The following SH2B2 variants were observed in gnomAD, a reference collection of about 807,000 sequenced individuals.
SH2B2 encodes the protein SH2B adapter protein 2.
Under a neutral mutation model 35.7 loss-of-function variants are expected in SH2B2, and 37 were observed. The ratio of observed to expected loss-of-function variants is 1.04; its 90% CI spans 0.80 to 1.36. The LOEUF is 1.36. SH2B2 is among the 40% of genes most tolerant of loss of function. The probability of loss-of-function intolerance (pLI) is 0.00; values close to 1 mark genes in which losing one functional copy is unlikely to be tolerated. For synonymous variants in SH2B2, 383 were observed against 376.4 expected, an observed-to-expected ratio of 1.02 and a Z score of -0.20; for missense variants, 852 against 817.7, an observed-to-expected ratio of 1.04 and a Z score of -0.51.
At chr7:102,293,640 G>C (rs1196669026) in intron 1 of SH2B2, among the ~76,000 whole-genome samples, 1 of 151,958 alleles carries the variant, frequency 6.6e-6, no homozygotes, top group Admixed American at 6.5e-5. Context: ...TGTCTCCAAC[G>C]CCAGTCCTCA....
rs1045692347 is a variant in SH2B2 at position 102,314,760 on chromosome 7, C to A, written c.1186+78C>A. ...CCCCAGCCATGGCCACCCATGGGCT[C>A]CCTAAACCTTGCTAAGCCTCAGAAG... On this transcript the variant is annotated intron_variant, in intron 6 of 8. Coordinates refer to ENST00000444095, the MANE Select transcript of SH2B2 (RefSeq NM_001359228.2). 1.2e-3 allele frequency: 498 copies of A among 398,742 alleles called. 6 individuals carry two copies. In the East Asian group the frequency reaches 0.017, roughly 14 times the overall value. 24.7% of individuals were successfully genotyped at this position (398,742 alleles called of 1,614,324 possible).
intron 1 of SH2B2, among the ~76,000 whole-genome samples, chr7:102,300,021 G>A (rs1183056782): frequency 4.6e-5 from 7 of 152,210 alleles, no homozygotes; most frequent in Non-Finnish European, 8.8e-5. Context: ...GGGTTCAAGT[G>A]ATTTTCCTGC....
At chr7:102,293,539 G>T (rs1010832274) in intron 1 of SH2B2, among the ~76,000 whole-genome samples, 1 of 151,634 alleles carries the variant, frequency 6.6e-6, no homozygotes, top group African/African-American at 2.4e-5. Flanking sequence ...AACCGGAGGT[G>T]GGGGGGTGTA....
chr7:102,315,768 G>A (rs1397685838), intron 6 of SH2B2, among the ~76,000 whole-genome samples: 82 of 65,148 alleles, frequency 1.3e-3, no homozygotes, highest in East Asian at 2.4e-3. Flanking sequence ...AAAAAGAAAA[G>A]AAAAGAAGAA....
At chr7:102,292,001 GAGCCTATGTTGTCC>G (rs1792691228) in intron 1 of SH2B2, among the ~76,000 whole-genome samples, 1 of 152,124 alleles carries the variant, frequency 6.6e-6, no homozygotes, top group South Asian at 2.1e-4. Context: ...AGGATTGAAG[GAGCCTATGTTGTCC>G]AGAGTGAGGC....
chr7:102,299,400 T>C (rs899039082), intron 1 of SH2B2, among the ~76,000 whole-genome samples: 2 of 150,682 alleles, frequency 1.3e-5, no homozygotes, highest in Non-Finnish European at 2.9e-5. Context: ...GGTTTCATCA[T>C]GTTGGCTAGG....
intron 1 of SH2B2, among the ~76,000 whole-genome samples, chr7:102,295,533 G>A (rs182224636): frequency 1.6e-4 from 25 of 152,296 alleles, no homozygotes; most frequent in African/African-American, 5.1e-4. Flanking sequence ...CACCCCTCAG[G>A]GAAGAAGCAA....
intron 1 of SH2B2, among the ~76,000 whole-genome samples, chr7:102,294,633 G>A (rs923771487): frequency 6.6e-6 from 1 of 152,120 alleles, no homozygotes; most frequent in Non-Finnish European, 1.5e-5. Context: ...CCTACATGGG[G>A]TCTCCTCCCC....
intron 4 of SH2B2, 85 bp downstream of exon 4, chr7:102,308,991 G>C: frequency 9.5e-7 from 1 of 1,053,396 alleles, no homozygotes. Flanking sequence ...TTCCTAGCAG[G>C]GCGGGAGCTC....
intron 3 of SH2B2, 53 bp downstream of exon 3, chr7:102,306,875 C>T: frequency 7.3e-7 from 1 of 1,367,534 alleles, no homozygotes; most frequent in Non-Finnish European, 1.0e-6. Flanking sequence ...AGGCCACCTT[C>T]CCTTTAGGTG....
chr7:102,317,771 G>A (rs551041249), intron 7 of SH2B2, among the ~76,000 whole-genome samples: 1 of 152,198 alleles, frequency 6.6e-6, no homozygotes, highest in East Asian at 1.9e-4. Flanking sequence ...ATCGCCCAGT[G>A]GGGGGTGGGA....
chr7:102,314,727 A>AC (rs1263170486), intron 6 of SH2B2, 45 bp downstream of exon 6: 4 of 398,188 alleles, frequency 1.0e-5, no homozygotes, highest in Non-Finnish European at 1.8e-5. Context: ...CCTCTCCTGG[A>AC]CCCCCACCCC....
Position 102,320,512 on chromosome 7 carries a change from C to G in SH2B2, c.1567+10C>G, listed in dbSNP as rs782351021. The G allele has an allele frequency of 3.1e-6, 5 of 1,611,144 alleles. No individual in the cohort carries two copies. The Admixed American group carries it at 5.0e-5, about 16-fold the overall frequency. On this transcript the variant is annotated intron_variant, in intron 8 of 8. Coordinates refer to ENST00000444095, the MANE Select transcript of SH2B2 (RefSeq NM_001359228.2). The stretch of plus-strand genomic sequence containing the variant: ...CAGGACCCCCCACCAGGTAAGATGC[C>G]GCCACCTGGCTGGTGTGATTACTCA...
chr7:102,319,680 T>C (rs1793980539), intron 7 of SH2B2, among the ~76,000 whole-genome samples: 1 of 151,982 alleles, frequency 6.6e-6, no homozygotes, highest in South Asian at 2.1e-4. Flanking sequence ...TGCAGTGGGA[T>C]ACATGTTGAG....
Position 102,321,426 on chromosome 7 carries a change from C to T in SH2B2, c.1695C>T (p.Gly565=), listed in dbSNP as rs553340752. 2.3e-6 allele frequency: 3 copies of T among 1,320,946 alleles called. No individual in the cohort carries two copies. Among genetic ancestry groups the T allele is most frequent in the Admixed American group, 3.7e-5 (1 of 27,318 alleles). The allele number at this position is 1,320,946 out of a possible 1,614,324, so 81.8% of individuals were successfully genotyped here. The stretch of plus-strand genomic sequence containing the variant: ...CTGCCTCGCCCTCCGACGCCGCCGG[C>T]GCCTCCTCGTCTTCCGCCTCGTCGT... ...CPPASPSDAA[G]ASSSSASSSS... The change falls in exon 9 of 9, where the codon GGC becomes GGT. Residue 565 remains glycine (G), a synonymous_variant. Transcript: ENST00000444095.
At chr7:102,313,035 A>G (rs1247334480) in intron 4 of SH2B2, among the ~76,000 whole-genome samples, 1 of 151,494 alleles carries the variant, frequency 6.6e-6, no homozygotes, top group Non-Finnish European at 1.5e-5. Context: ...AGGCTGAGGC[A>G]GGAGAATTGC....
intron 1 of SH2B2, among the ~76,000 whole-genome samples, chr7:102,288,998 C>T (rs894536501): frequency 3.3e-5 from 5 of 152,210 alleles, no homozygotes; most frequent in Non-Finnish European, 7.3e-5. Flanking sequence ...GGCCAGGGGA[C>T]TGGTCAGAGC....
upstream of SH2B2, among the ~76,000 whole-genome samples, chr7:102,285,909 T>C (rs2132873541): frequency 6.7e-6 from 1 of 150,122 alleles, no homozygotes; most frequent in African/African-American, 2.5e-5. Context: ...ACCGAAGCCC[T>C]CCCTCCCCTC....
intron 1 of SH2B2, among the ~76,000 whole-genome samples, chr7:102,287,752 CGGAACCGCGCCAGCCCAGCGGGCT>C (rs1437494865): frequency 5.3e-5 from 8 of 152,284 alleles, no homozygotes; most frequent in Admixed American, 3.3e-4. Flanking sequence ...CTGCGCGGGC[CGGAACCGCGCCAGCCCAGCGGGCT>C]GAAGCCGGGC....
Sources: allele counts gnomAD v4.1 joint callset (sites outside exome capture counted in the v4.1 genomes callset), GRCh38; gene constraint gnomAD v4.1.1; transcripts MANE v1.5; gene names NCBI Gene and HGNC (gene_info 2026-07-23, HGNC 2026-07-21).